Variants in SLMAP observed in about 807,000 individuals in gnomAD.
SLMAP encodes sarcolemmal membrane-associated protein.
Under a neutral mutation model 128.8 loss-of-function variants are expected in SLMAP, and 44 were observed. That is an observed-to-expected ratio of 0.34 (90% CI 0.27 to 0.44). The LOEUF (loss-of-function observed/expected upper bound fraction) is 0.44. Among genes scored for constraint, SLMAP ranks in the 20% least tolerant of loss-of-function variants. The pLI is 1.00. For synonymous variants in SLMAP, 327 were observed against 348.8 expected (o/e 0.94, Z 0.70); for missense variants, 787 against 985.3 (o/e 0.80, Z 2.69).
intron 2 of SLMAP, among the ~76,000 whole-genome samples, chr3:57,806,139 A>G (rs2089798885): frequency 6.6e-6 from 1 of 151,476 alleles, no homozygotes; most frequent in Non-Finnish European, 1.5e-5. Flanking sequence ...TGCTGCACCT[A>G]TCAACCTGTC....
chr3:57,841,133 G>A (rs1232627881), intron 3 of SLMAP, among the ~76,000 whole-genome samples, 166 bp from the exon 4 acceptor site: 1 of 152,086 alleles, frequency 6.6e-6, no homozygotes, highest in Non-Finnish European at 1.5e-5. Flanking sequence ...ATTCGTTATG[G>A]ACAAGATGAG....
chr3:57,868,907 G>A (rs1246616629), intron 13 of SLMAP, among the ~76,000 whole-genome samples: 6 of 132,910 alleles, frequency 4.5e-5, no homozygotes, highest in South Asian at 4.5e-4. Flanking sequence ...TATTATATAT[G>A]TGTGTATTAT....
intron 17 of SLMAP, among the ~76,000 whole-genome samples, chr3:57,907,007 C>T (rs2096585470): frequency 6.6e-6 from 1 of 151,068 alleles, no homozygotes; most frequent in Non-Finnish European, 1.5e-5. Flanking sequence ...ATATATTCAG[C>T]AGATTTTTGT....
chr3:57,866,519 G>A (rs900912278), intron 13 of SLMAP, among the ~76,000 whole-genome samples: 2 of 152,124 alleles, frequency 1.3e-5, no homozygotes, highest in Admixed American at 1.3e-4. Flanking sequence ...AAACTCTCAA[G>A]AAAAATGTTC....
chr3:57,858,047 A>G (rs1329875346), intron 7 of SLMAP, 41 bp from the exon 8 acceptor site: 4 of 1,272,798 alleles, frequency 3.1e-6, no homozygotes, highest in Non-Finnish European at 4.6e-6. Context: ...GTGACTTTAT[A>G]ATTACTCGGG....
intron 10 of SLMAP, among the ~76,000 whole-genome samples, chr3:57,863,902 C>T (rs2095207838): frequency 6.6e-6 from 1 of 152,144 alleles, no homozygotes; most frequent in Non-Finnish European, 1.5e-5. Context: ...CATGATAGAA[C>T]TTCAAAATTG....
intron 14 of SLMAP, among the ~76,000 whole-genome samples, chr3:57,888,488 G>T (rs192139985): frequency 6.6e-6 from 1 of 151,824 alleles, no homozygotes; most frequent in Non-Finnish European, 1.5e-5. Flanking sequence ...GTGGTGGTGC[G>T]CACTCATAGT....
chr3:57,790,150 G>A (rs556171919), intron 2 of SLMAP, among the ~76,000 whole-genome samples: 2 of 152,230 alleles, frequency 1.3e-5, no homozygotes, highest in South Asian at 2.1e-4. Context: ...CATGTTCTGA[G>A]TTCTTAAAGC....
chr3:57,832,636 T>G (rs1560155084), intron 3 of SLMAP, among the ~76,000 whole-genome samples: 1 of 152,194 alleles, frequency 6.6e-6, no homozygotes, highest in African/African-American at 2.4e-5. Flanking sequence ...CTGGTGATAC[T>G]GGTCAGAATT....
At chr3:57,893,375 A>G (rs1270500355) in intron 15 of SLMAP, among the ~76,000 whole-genome samples, 7 of 151,522 alleles carry the variant, frequency 4.6e-5, no homozygotes, top group Non-Finnish European at 8.8e-5. Flanking sequence ...CCAAGGCTGC[A>G]GTTGTGCCAC....
chr3:57,906,379 G>A (rs150775567), intron 17 of SLMAP, among the ~76,000 whole-genome samples: 2,515 of 134,836 alleles, frequency 0.019, 67 homozygotes, highest in African/African-American at 0.066. Context: ...GCAGTGGCGC[G>A]ATCTTGGCTC....
At chr3:57,875,884 C>G (rs1471354465) in intron 14 of SLMAP, among the ~76,000 whole-genome samples, 4 of 152,178 alleles carry the variant, frequency 2.6e-5, no homozygotes, top group African/African-American at 7.2e-5. Flanking sequence ...ATAAGCAAGA[C>G]AAATTCAGCA....
intron 13 of SLMAP, among the ~76,000 whole-genome samples, chr3:57,868,074 A>G (rs2153610535): frequency 6.6e-6 from 1 of 152,212 alleles, no homozygotes; most frequent in African/African-American, 2.4e-5. Context: ...CAGCCCGAGC[A>G]ACATAGTGAG....
At chr3:57,894,218 TAAC>T (rs1292134289) in intron 15 of SLMAP, among the ~76,000 whole-genome samples, 3 of 152,154 alleles carry the variant, frequency 2.0e-5, no homozygotes, top group Admixed American at 2.0e-4. Flanking sequence ...TCCCCAAAAA[TAAC>T]TAATGATGTC....
chr3:57,896,930 A>G lies in SLMAP; in HGVS notation c.1499A>G (p.Lys500Arg), dbSNP rs1031385022. The G allele has an allele frequency of 1.9e-6, 3 of 1,613,174 alleles. No homozygotes were observed. The Admixed American group carries it at 5.0e-5, about 27-fold the overall frequency. Residue 500 changes from lysine (K) to arginine (R), a missense_variant and splice_region_variant, in exon 17 of 25, where the codon AAA (lysine) becomes AGA (arginine). By Grantham distance (26) the Lys-to-Arg change is conservative. Around this residue, in one of 2 missense-constraint regions of SLMAP, gnomAD observed 715 missense variants for 843.6 expected, o/e 0.85. Transcript: ENST00000671191. ...CCTCTTGCCAAAGTGTCCCTTTTAA[A>G]AGGTACTTTAACATGTTTTTATGAC... is the stretch of plus-strand genomic sequence containing the variant. Reference protein sequence around the residue: ...NEPLAKVSLLKDDLQGAQSEI... With the variant: ...NEPLAKVSLLRDDLQGAQSEI...
chr3:57,903,630 C>G (rs937715006), intron 17 of SLMAP, among the ~76,000 whole-genome samples: 2 of 152,132 alleles, frequency 1.3e-5, no homozygotes, highest in African/African-American at 4.8e-5. Context: ...TCTGTCAGTT[C>G]ATTTATAGTG....
At chr3:57,818,604 A>G (rs1339265450) in intron 2 of SLMAP, among the ~76,000 whole-genome samples, 1 of 152,212 alleles carries the variant, frequency 6.6e-6, no homozygotes, top group Non-Finnish European at 1.5e-5. Flanking sequence ...ATTGTAAATT[A>G]TGTGGTACCC....
At chr3:57,792,981 T>C (rs772653503) in intron 2 of SLMAP, among the ~76,000 whole-genome samples, 4 of 151,866 alleles carry the variant, frequency 2.6e-5, no homozygotes, top group Non-Finnish European at 4.4e-5. Context: ...TACCAAAAAA[T>C]TGCAAAAATC....
At chr3:57,895,761 G>A (rs1395134408) in intron 15 of SLMAP, among the ~76,000 whole-genome samples, 2 of 152,008 alleles carry the variant, frequency 1.3e-5, no homozygotes, top group Non-Finnish European at 2.9e-5. Flanking sequence ...AGGCAACATA[G>A]CAAGACCTCA....
Sources: allele counts gnomAD v4.1 joint callset (sites outside exome capture counted in the v4.1 genomes callset), GRCh38; gene constraint gnomAD v4.1.1; regional missense constraint gnomAD v4.1.1; transcripts MANE v1.5; gene names NCBI Gene and HGNC (gene_info 2026-07-23, HGNC 2026-07-21).